The following VPS13B variants were observed in gnomAD, a reference collection of about 807,000 sequenced individuals.
The protein encoded by VPS13B is intermembrane lipid transfer protein VPS13B.
A neutral mutation model predicts 426.4 loss-of-function variants in VPS13B; 285 were observed. The observed-to-expected ratio is 0.67, with a 90% CI of 0.61 to 0.74. VPS13B has a LOEUF of 0.74. Ranked by LOEUF, VPS13B falls within the 30% of genes least tolerant of loss-of-function variation. The pLI, the probability that VPS13B is intolerant of heterozygous loss-of-function variation, is 0.00. For synonymous variants in VPS13B, 1,676 were observed against 1,676.4 expected (o/e 1.00, Z 0.01); for missense variants, 4,537 against 4,782.6 (o/e 0.95, Z 1.51).
intron 17 of VPS13B, among the ~76,000 whole-genome samples, chr8:99,268,269 G>A (rs1465193911): frequency 6.6e-6 from 1 of 152,182 alleles, no homozygotes; most frequent in Non-Finnish European, 1.5e-5. Context: ...AGTCCCTACT[G>A]GGGCACTGCC....
intron 33 of VPS13B, among the ~76,000 whole-genome samples, chr8:99,613,157 AT>A (rs545665397): frequency 4.2e-4 from 64 of 152,160 alleles, no homozygotes; most frequent in Non-Finnish European, 7.3e-4. Context: ...TCAAAGTCTG[AT>A]TCATCTTTAG....
intron 19 of VPS13B, among the ~76,000 whole-genome samples, chr8:99,360,902 A>C (rs1436435753): frequency 6.6e-6 from 1 of 152,176 alleles, no homozygotes; most frequent in Non-Finnish European, 1.5e-5. Flanking sequence ...AATATTTATT[A>C]TTGCATCATT....
intron 43 of VPS13B, among the ~76,000 whole-genome samples, chr8:99,791,680 A>G (rs898536392): frequency 4.7e-5 from 7 of 149,692 alleles, no homozygotes; most frequent in African/African-American, 1.5e-4. Flanking sequence ...TAAGAAACTG[A>G]TATTTCTGTG....
intron 2 of VPS13B, among the ~76,000 whole-genome samples, chr8:99,036,312 G>C (rs937260502): frequency 3.3e-5 from 5 of 152,044 alleles, no homozygotes; most frequent in African/African-American, 1.2e-4. Context: ...CATTATCATA[G>C]ATGTTCTGAT....
chr8:99,122,758 A>G (rs925967972), intron 8 of VPS13B, among the ~76,000 whole-genome samples: 3 of 152,200 alleles, frequency 2.0e-5, no homozygotes, highest in Non-Finnish European at 4.4e-5. Flanking sequence ...TCAAGCTTAA[A>G]TTGATATTAT....
In VPS13B at chr8:99,853,448, T is replaced by TA; in HGVS notation, c.10062-2dup. ...CTAATGTTCTTGTCCCTTTCTCCTCTAGAGCGCCAGAGAAGATTGTTACAT... is the reference window on the plus strand; with the variant it reads ...CTAATGTTCTTGTCCCTTTCTCCTCTAAGAGCGCCAGAGAAGATTGTTACAT... On this transcript the variant is annotated splice_polypyrimidine_tract_variant and splice_region_variant and intron_variant, in intron 55 of 61. Transcript: ENST00000357162. 6.2e-7 allele frequency: 1 copy of TA among 1,614,160 alleles called. No individual in the cohort carries two copies. Among genetic ancestry groups the TA allele is most frequent in the Non-Finnish European group, 8.5e-7 (1 of 1,180,020 alleles).
intron 21 of VPS13B, among the ~76,000 whole-genome samples, chr8:99,404,320 A>T (rs1367445506): frequency 2.0e-5 from 3 of 152,160 alleles, no homozygotes; most frequent in Non-Finnish European, 4.4e-5. Context: ...ATTTTTTTTT[A>T]CAGTCTTTTC....
intron 33 of VPS13B, among the ~76,000 whole-genome samples, chr8:99,622,791 C>T (rs1413272465): frequency 6.6e-6 from 1 of 152,162 alleles, no homozygotes; most frequent in African/African-American, 2.4e-5. Flanking sequence ...TTTATACTCA[C>T]CTCCTGTTTC....
At chr8:99,199,091 A>G (rs1251319306) in intron 17 of VPS13B, among the ~76,000 whole-genome samples, 1 of 152,220 alleles carries the variant, frequency 6.6e-6, no homozygotes, top group East Asian at 1.9e-4. Context: ...CATTTCCCAC[A>G]TTAATAAAGA....
At chr8:99,588,440 T>C (rs1254862929) in intron 33 of VPS13B, among the ~76,000 whole-genome samples, 1 of 151,772 alleles carries the variant, frequency 6.6e-6, no homozygotes, top group Admixed American at 6.6e-5. Context: ...TTGATTCTTC[T>C]ATCCATGAGC....
intron 33 of VPS13B, among the ~76,000 whole-genome samples, chr8:99,640,822 A>G (rs944393749): frequency 3.3e-5 from 5 of 152,226 alleles, no homozygotes; most frequent in Admixed American, 2.0e-4. Context: ...AAACCTGTGC[A>G]TAGGTAGGAA....
At chr8:99,654,712 A>G (rs900543184) in intron 34 of VPS13B, among the ~76,000 whole-genome samples, 1 of 152,150 alleles carries the variant, frequency 6.6e-6, no homozygotes, top group Non-Finnish European at 1.5e-5. Context: ...AATAACATCA[A>G]TTTCATAGAT....
intron 34 of VPS13B, among the ~76,000 whole-genome samples, chr8:99,657,470 TTGTGTGTGTGTG>T (rs34355540): frequency 6.8e-6 from 1 of 146,908 alleles, no homozygotes; most frequent in Non-Finnish European, 1.5e-5. Context: ...ACTTTAAAAA[TTGTGTGTGTGTG>T]TGTGTGTGTG....
intron 19 of VPS13B, among the ~76,000 whole-genome samples, chr8:99,336,139 C>A (rs1810850649): frequency 6.6e-6 from 1 of 152,126 alleles, no homozygotes. Flanking sequence ...GTAACCAAAA[C>A]AGCAAGGTAC....
intron 17 of VPS13B, chr8:99,209,811 T>C (rs1377970803): frequency 1.2e-6 from 1 of 801,534 alleles, no homozygotes. Context: ...AGAAATTACA[T>C]TTGAAATAGT....
At chr8:99,544,169 T>C (rs1024215968) in intron 30 of VPS13B, among the ~76,000 whole-genome samples, 3 of 152,018 alleles carry the variant, frequency 2.0e-5, no homozygotes, top group African/African-American at 7.3e-5. Context: ...TGTAGGGACA[T>C]GGATGAAGCT....
At chr8:99,051,997 C>G (rs1843583522) in intron 3 of VPS13B, among the ~76,000 whole-genome samples, 1 of 152,166 alleles carries the variant, frequency 6.6e-6, no homozygotes, top group Non-Finnish European at 1.5e-5. Context: ...TTGACTTCCT[C>G]TTTTCCTAAT....
intron 13 of VPS13B, among the ~76,000 whole-genome samples, chr8:99,145,072 A>G (rs1018005288): frequency 6.6e-6 from 1 of 152,192 alleles, no homozygotes; most frequent in African/African-American, 2.4e-5. Context: ...ATATACAGGG[A>G]TACAAACAGG....
At chr8:99,025,901 T>C (rs1056096534) in intron 2 of VPS13B, among the ~76,000 whole-genome samples, 6 of 152,146 alleles carry the variant, frequency 3.9e-5, no homozygotes, top group Admixed American at 1.3e-4. Flanking sequence ...TGGTCTCTTT[T>C]TTTCTTAGTC....
Sources: allele counts gnomAD v4.1 joint callset (sites outside exome capture counted in the v4.1 genomes callset), GRCh38; gene constraint gnomAD v4.1.1; transcripts MANE v1.5; gene names NCBI Gene and HGNC (gene_info 2026-07-23, HGNC 2026-07-21).